Variants in ATP11A observed in about 807,000 individuals in gnomAD.
ATP11A encodes phospholipid-transporting ATPase IH.
ATP11A carries 81 observed loss-of-function variants against 154.4 expected under a neutral mutation model. The observed-to-expected ratio is 0.52, with a 90% confidence interval of 0.44 to 0.63. The LOEUF (loss-of-function observed/expected upper bound fraction) is 0.63, where lower values mean the gene tolerates loss of function less well. Among genes scored for constraint, ATP11A ranks in the 30% least tolerant of loss-of-function variants. ATP11A has a pLI of 0.00. For missense variants in ATP11A, 1,316 were observed against 1,474.3 expected, an observed-to-expected ratio of 0.89 and a Z score of 1.76; for synonymous variants, 623 against 585.9, an observed-to-expected ratio of 1.06 and a Z score of -0.91.
rs180974465 is a variant in ATP11A at position 112,714,153 on chromosome 13, G to A, written c.39+23698G>A. ...CAACTCCCTTCCACTCCTCCCACCCGGCTTCCTTTCCTGGCCCCACGTCTA... is the reference window on the plus strand; with the variant it reads ...CAACTCCCTTCCACTCCTCCCACCCAGCTTCCTTTCCTGGCCCCACGTCTA... On this transcript the variant is annotated intron_variant, in intron 1 of 29. Transcript: ENST00000375645. 3.7e-4 allele frequency among the ~76,000 whole-genome samples: 8 copies of A among 21,772 alleles called. No homozygotes were observed. In the East Asian group the frequency reaches 7.2e-3, roughly 20 times the overall value. The allele number at this position is 21,772 out of a possible 152,430, so 14.3% of individuals were successfully genotyped here. A position where few individuals can be genotyped will look rare whatever the true frequency, so the allele number is the denominator to read the frequency against.
intron 1 of ATP11A, among the ~76,000 whole-genome samples, chr13:112,732,048 A>T (rs1004508028): frequency 1.3e-5 from 2 of 152,104 alleles, no homozygotes; most frequent in Non-Finnish European, 2.9e-5. Context: ...ACCTGCACCT[A>T]CGGTGTTGTG....
chr13:112,771,216 G>T (rs1334881275), intron 1 of ATP11A, among the ~76,000 whole-genome samples: 1 of 152,214 alleles, frequency 6.6e-6, no homozygotes, highest in Non-Finnish European at 1.5e-5. Context: ...GTGAAGGCGT[G>T]ACCCACGGTG....
chr13:112,697,621 G>A lies in ATP11A; in HGVS notation c.39+7166G>A, dbSNP rs2139469424. ...CTCACTGTGTTGCTCAGGCTGGAGT[G>A]CAGTGGCTTGATCTTGGCTCACTGC... On this transcript the variant is annotated intron_variant, in intron 1 of 29. Coordinates refer to ENST00000375645, the MANE Select transcript of ATP11A (RefSeq NM_015205.3). The surrounding 1 kb of genome is among the most constrained non-coding windows in gnomAD (Gnocchi z 4.0). 6.6e-6 allele frequency among the ~76,000 whole-genome samples: 1 copy of A among 152,204 alleles called. No individual in the cohort carries two copies. Among genetic ancestry groups the A allele is most frequent in the Non-Finnish European group, 1.5e-5 (1 of 68,016 alleles).
At chr13:112,720,004 G>C (rs530780816) in intron 1 of ATP11A, among the ~76,000 whole-genome samples, 1 of 152,212 alleles carries the variant, frequency 6.6e-6, no homozygotes, top group Admixed American at 6.5e-5. Context: ...ATCTGTTGTA[G>C]CAATGAAAAC....
rs938600900 is a variant in ATP11A, at chr13:112,884,509, G to A, written c.*2643G>A. ...ATGATTTGAAATAGACAAGGGGCACGAGATAAAAAAGAAAAGGATGAGAAG... is the reference window on the plus strand; with the variant it reads ...ATGATTTGAAATAGACAAGGGGCACAAGATAAAAAAGAAAAGGATGAGAAG... On this transcript the variant is annotated 3_prime_UTR_variant, in exon 30 of 30. Transcript: ENST00000375645. The A allele has an allele frequency of 9.2e-5, 14 of 152,210 alleles. No homozygotes were observed. The highest frequency in any genetic ancestry group is 3.1e-4 in the African/African-American group (13 of 41,422). 9.4% of individuals were successfully genotyped at this position (152,210 alleles called of 1,614,324 possible). A position where few individuals can be genotyped will look rare whatever the true frequency, so the allele number is the denominator to read the frequency against.
chr13:112,747,978 T>C (rs1892374502), intron 1 of ATP11A, among the ~76,000 whole-genome samples: 1 of 152,250 alleles, frequency 6.6e-6, no homozygotes, highest in African/African-American at 2.4e-5. Flanking sequence ...TCTGAAACTT[T>C]TCAAGCACCA....
intron 25 of ATP11A, among the ~76,000 whole-genome samples, chr13:112,866,010 G>A (rs990538636): frequency 3.9e-5 from 6 of 152,202 alleles, no homozygotes; most frequent in African/African-American, 1.2e-4. Flanking sequence ...ATACTTAGTC[G>A]TCTTCCTCTG....
intron 26 of ATP11A, among the ~76,000 whole-genome samples, chr13:112,872,952 TGTGAGGTGTGGCTTTGTCTTCCTGAGC>T (rs1594244134): frequency 6.1e-5 from 9 of 148,446 alleles, no homozygotes; most frequent in African/African-American, 5.2e-5. Context: ...TCCTGAGCGG[TGTGAGGTGTGGCTTTGTCTTCCTGAGC>T]GGTGTGAGGT....
At chr13:112,719,277 C>T (rs1437430487) in intron 1 of ATP11A, among the ~76,000 whole-genome samples, 1 of 152,142 alleles carries the variant, frequency 6.6e-6, no homozygotes, top group Non-Finnish European at 1.5e-5. Context: ...GCAAACTGCA[C>T]CAGAGGCAAC....
At chr13:112,738,531 C>G (rs1001185482) in intron 1 of ATP11A, among the ~76,000 whole-genome samples, 6 of 152,176 alleles carry the variant, frequency 3.9e-5, no homozygotes, top group Non-Finnish European at 7.3e-5. Flanking sequence ...TTGCTTGTTT[C>G]TTCTCACCAG....
chr13:112,704,648 G>T (rs1030114459), intron 1 of ATP11A, among the ~76,000 whole-genome samples: 1 of 152,240 alleles, frequency 6.6e-6, no homozygotes, highest in Non-Finnish European at 1.5e-5. Context: ...GGCTGGGGGT[G>T]TCCCCCACTC....
intron 5 of ATP11A, among the ~76,000 whole-genome samples, chr13:112,813,906 G>C (rs2078571664): frequency 6.6e-6 from 1 of 151,920 alleles, no homozygotes; most frequent in Admixed American, 6.6e-5. Flanking sequence ...TGGATTCTTT[G>C]AGCTTCTTTT....
chr13:112,801,568 A>C (rs2078132976), intron 2 of ATP11A, among the ~76,000 whole-genome samples: 1 of 152,248 alleles, frequency 6.6e-6, no homozygotes, highest in Non-Finnish European at 1.5e-5. Context: ...TAACAAAAAA[A>C]CTTCTGGATG....
chr13:112,810,692 G>A lies in ATP11A; in HGVS notation c.407G>A (p.Gly136Asp), dbSNP rs189709393. ...TGTCCTGTTCATTTCATTCAGCACG[G>A]CAAGCTCGTTCGGAAACAAAGTCGA... ...NQCPVHFIQHGKLVRKQSRKL... is the reference protein window; with the variant it reads ...NQCPVHFIQHDKLVRKQSRKL... Residue 136 changes from glycine (G) to aspartate (D), a missense_variant, in exon 5 of 30, where the codon GGC becomes GAC. Gly to Asp is a moderately conservative substitution (Grantham distance 94). Coordinates refer to ENST00000375645, the MANE Select transcript of ATP11A (RefSeq NM_015205.3). The A allele has an allele frequency of 5.3e-5, 85 of 1,614,082 alleles. No individual in the cohort carries two copies. In the African/African-American group the frequency reaches 1.1e-3, roughly 20 times the overall value.
intron 1 of ATP11A, among the ~76,000 whole-genome samples, chr13:112,761,527 T>A (rs1328304616): frequency 6.6e-6 from 1 of 152,200 alleles, no homozygotes; most frequent in East Asian, 1.9e-4. Context: ...TCCATAGGAT[T>A]CGGTACTCTA....
At chr13:112,867,822 C>T (rs756893711) in intron 25 of ATP11A, among the ~76,000 whole-genome samples, 4 of 152,190 alleles carry the variant, frequency 2.6e-5, no homozygotes, top group African/African-American at 7.2e-5. Flanking sequence ...TTGGTCCTTA[C>T]GTAGCAATTT....
At position 112,819,357 on chromosome 13, in the gene ATP11A, C is replaced by T. The variant is rs148453849; in HGVS notation, c.624C>T (p.Gly208=). 1.2e-5 allele frequency: 20 copies of T among 1,614,156 alleles called. No individual in the cohort carries two copies. The highest frequency in any genetic ancestry group is 1.2e-4 in the African/African-American group (9 of 75,040). Residue 208 remains glycine (G), a synonymous_variant, in exon 7 of 30, where the codon GGC becomes GGT. Transcript: ENST00000375645. ...TKGFHTEEDI[G]GLHATIECEQ... Reference sequence around the variant, plus strand: ...GCTTCCACACAGAGGAGGATATCGGCGGACTTCACGCCACCATCGAGTGTG... The same window carrying T: ...GCTTCCACACAGAGGAGGATATCGGTGGACTTCACGCCACCATCGAGTGTG...
Position 112,758,752 on chromosome 13 carries a change from C to T in ATP11A, c.40-26383C>T, listed in dbSNP as rs1177931985. 3.3e-5 allele frequency among the ~76,000 whole-genome samples: 5 copies of T among 152,336 alleles called. No homozygotes were observed. The East Asian group carries it at 7.7e-4, about 24-fold the overall frequency. On this transcript the variant is annotated intron_variant, in intron 1 of 29. Transcript: ENST00000375645. Reference sequence around the variant, plus strand: ...TTTCTTAAATCTATCTTGCTAGCTCCTCTCGCACTTGAAATCAAATACTCC... The same window carrying T: ...TTTCTTAAATCTATCTTGCTAGCTCTTCTCGCACTTGAAATCAAATACTCC...
At chr13:112,831,575 AGT>A (rs750871005) in intron 13 of ATP11A, 27 bp downstream of exon 13, 2 of 1,606,118 alleles carry the variant, frequency 1.2e-6, no homozygotes, top group Non-Finnish European at 1.7e-6. Context: ...ACGCCGTCCA[AGT>A]GTGTGAGTGA....
Sources: gnomAD v4.1 joint callset for allele counts (sites outside exome capture counted in the v4.1 genomes callset) on GRCh38, gnomAD v4.1.1 for gene constraint, Gnocchi (gnomAD v3.1) non-coding constraint, MANE v1.5 for transcripts, NCBI Gene and HGNC (gene_info 2026-07-23, HGNC 2026-07-21) for gene names.